Variants in NKAIN2 observed in about 807,000 individuals in gnomAD.
The protein encoded by NKAIN2 is sodium/potassium transporting ATPase interacting 2, also known as sodium/potassium-transporting ATPase subunit beta-1-interacting protein 2.
In NKAIN2, 14 loss-of-function variants were observed where a neutral mutation model predicts 32.6. The ratio of observed to expected loss-of-function variants is 0.43; its 90% confidence interval spans 0.28 to 0.67. The LOEUF (loss-of-function observed/expected upper bound fraction) is 0.67. Ranked by LOEUF, NKAIN2 falls within the 30% of genes least tolerant of loss-of-function variation. NKAIN2 has a pLI of 0.17. For synonymous variants in NKAIN2, 80 were observed against 87.2 expected, an observed-to-expected ratio of 0.92 and a Z score of 0.46; for missense variants, 198 against 258.3, an observed-to-expected ratio of 0.77 and a Z score of 1.60.
chr6:124,016,821 G>GA lies in NKAIN2; in HGVS notation c.54+212569dup, dbSNP rs528508604. ...AAAAAAAAATCCAGAGCTTAGAGTT[G>GA]AATTAGTTTGCCCGCCTAAGGTATG... On this transcript the variant is annotated intron_variant, in intron 1 of 6. Coordinates refer to ENST00000368417, the MANE Select transcript of NKAIN2 (RefSeq NM_001040214.3). 5.1e-4 allele frequency among the ~76,000 whole-genome samples: 77 copies of GA among 151,838 alleles called. 1 individual carries two copies. The East Asian group carries it at 0.013, about 26-fold the overall frequency.
chr6:124,664,667 G>A (rs1583607246), intron 4 of NKAIN2, among the ~76,000 whole-genome samples: 1 of 148,382 alleles, frequency 6.7e-6, no homozygotes, highest in East Asian at 2.0e-4. Context: ...AGTGGCGGGC[G>A]CCTGTAGTCC....
chr6:124,100,357 G>A (rs1166696533), intron 1 of NKAIN2, among the ~76,000 whole-genome samples: 5 of 152,318 alleles, frequency 3.3e-5, no homozygotes, highest in East Asian at 1.9e-4. Context: ...GTTTTATCAT[G>A]TCTGAAGAGT....
chr6:124,480,878 A>G (rs1464803371), intron 3 of NKAIN2, among the ~76,000 whole-genome samples: 2 of 152,152 alleles, frequency 1.3e-5, no homozygotes, highest in Admixed American at 6.5e-5. Context: ...GACGCTTTAC[A>G]TTCCTTTGTG....
chr6:124,187,899 T>C (rs1484485790), intron 1 of NKAIN2, among the ~76,000 whole-genome samples: 1 of 152,202 alleles, frequency 6.6e-6, no homozygotes, highest in Admixed American at 6.5e-5. Context: ...TTTCCTCTTC[T>C]TAACCAAGAT....
At chr6:124,114,964 C>T (rs1785542266) in intron 1 of NKAIN2, among the ~76,000 whole-genome samples, 1 of 152,002 alleles carries the variant, frequency 6.6e-6, no homozygotes, top group South Asian at 2.1e-4. Context: ...ATTTAAGAGA[C>T]AGGTCAGTTT....
At chr6:124,574,313 TAA>T (rs11326982) in intron 3 of NKAIN2, among the ~76,000 whole-genome samples, 9,967 of 150,086 alleles carry the variant, frequency 0.066, 335 homozygotes, top group Non-Finnish European at 0.076. Flanking sequence ...CAGAAAAAGT[TAA>T]AAAAAAAAAA....
At chr6:124,796,076 T>A (rs961341157) in intron 5 of NKAIN2, among the ~76,000 whole-genome samples, 2 of 152,184 alleles carry the variant, frequency 1.3e-5, no homozygotes, top group African/African-American at 4.8e-5. Flanking sequence ...CACTGCCATC[T>A]GCTGTACCTA....
intron 1 of NKAIN2, among the ~76,000 whole-genome samples, chr6:123,818,760 A>G (rs574849397): frequency 1.3e-5 from 2 of 152,330 alleles, no homozygotes; most frequent in East Asian, 3.9e-4. Flanking sequence ...TGGAAGAACC[A>G]GGCATTTCCG....
chr6:124,135,946 A>G lies in NKAIN2; in HGVS notation c.55-147059A>G, dbSNP rs1284635026. 5.3e-5 allele frequency among the ~76,000 whole-genome samples: 8 copies of G among 152,250 alleles called. No individual in the cohort carries two copies. In the South Asian group the frequency reaches 1.2e-3, roughly 24 times the overall value. ...AAAAAGTCTGAAAGAGCACAAATAG[A>G]CAACCTAATGTCACACCTCAAGGAA... On this transcript the variant is annotated intron_variant, in intron 1 of 6. Transcript: ENST00000368417.
At chr6:123,806,187 A>C (rs967543343) in intron 1 of NKAIN2, among the ~76,000 whole-genome samples, 1 of 152,098 alleles carries the variant, frequency 6.6e-6, no homozygotes, top group Non-Finnish European at 1.5e-5. Flanking sequence ...AGAAATTCTG[A>C]ATTATAATTA....
At chr6:124,072,308 G>T (rs1783499794) in intron 1 of NKAIN2, among the ~76,000 whole-genome samples, 1 of 152,014 alleles carries the variant, frequency 6.6e-6, no homozygotes, top group Admixed American at 6.6e-5. Context: ...GGGGACTATA[G>T]AGTTGAGAGA....
rs563867689 is a variant in NKAIN2, at chr6:124,193,368, G to T, written c.55-89637G>T. On this transcript the variant is annotated intron_variant, in intron 1 of 6. Coordinates refer to ENST00000368417, the MANE Select transcript of NKAIN2 (RefSeq NM_001040214.3). The stretch of plus-strand genomic sequence containing the variant: ...AGCCAGGTATGCTGGCTGCAGCAGG[G>T]CAGGCAGCTCCAGGCGCCAACATGA... 2.0e-5 allele frequency among the ~76,000 whole-genome samples: 3 copies of T among 152,312 alleles called. No individual in the cohort carries two copies. In the South Asian group the frequency reaches 6.2e-4, roughly 32 times the overall value.
At chr6:124,796,966 T>G (rs1329430371) in intron 5 of NKAIN2, among the ~76,000 whole-genome samples, 1 of 152,098 alleles carries the variant, frequency 6.6e-6, no homozygotes, top group Non-Finnish European at 1.5e-5. Context: ...AAGAAAATGT[T>G]TGGAGATTCC....
Position 123,898,100 on chromosome 6 carries a change from A to T in NKAIN2, c.54+93846A>T, listed in dbSNP as rs552825759. Among the ~76,000 whole-genome samples the T allele has an allele frequency of 5.3e-5, 8 of 152,294 alleles. No homozygotes were observed. In the East Asian group the frequency reaches 1.4e-3, roughly 26 times the overall value. On this transcript the variant is annotated intron_variant, in intron 1 of 6. Coordinates refer to ENST00000368417, the MANE Select transcript of NKAIN2 (RefSeq NM_001040214.3). ...AACTAAGAATAATAATCCAGATATGATCTCATCATTGCAGGATGAATTATG... is the reference window on the plus strand; with the variant it reads ...AACTAAGAATAATAATCCAGATATGTTCTCATCATTGCAGGATGAATTATG...
At chr6:124,585,045 T>C (rs1781662925) in intron 3 of NKAIN2, among the ~76,000 whole-genome samples, 1 of 152,178 alleles carries the variant, frequency 6.6e-6, no homozygotes, top group African/African-American at 2.4e-5. Context: ...TAACCAATAT[T>C]TTGAAGCAAC....
At chr6:124,492,288 C>G (rs1270776848) in intron 3 of NKAIN2, among the ~76,000 whole-genome samples, 1 of 151,842 alleles carries the variant, frequency 6.6e-6, no homozygotes, top group African/African-American at 2.4e-5. Context: ...TTGGCATATG[C>G]CTATTGAAAA....
chr6:124,466,317 G>T (rs1419428556), intron 3 of NKAIN2, among the ~76,000 whole-genome samples: 1 of 152,118 alleles, frequency 6.6e-6, no homozygotes, highest in Non-Finnish European at 1.5e-5. Flanking sequence ...AAACTGAAGA[G>T]CCTCCTGTAA....
At chr6:124,575,400 TCG>T (rs1239715410) in intron 3 of NKAIN2, among the ~76,000 whole-genome samples, 23 of 152,244 alleles carry the variant, frequency 1.5e-4, no homozygotes, top group Non-Finnish European at 2.6e-4. Flanking sequence ...AATTGCTGCC[TCG>T]TTGCAACATT....
At chr6:123,883,605 A>C (rs951590824) in intron 1 of NKAIN2, among the ~76,000 whole-genome samples, 112 of 151,602 alleles carry the variant, frequency 7.4e-4, no homozygotes, top group Admixed American at 7.4e-3. Flanking sequence ...GCTCCTTGTA[A>C]GCCTTCAGAA....
Sources: gnomAD v4.1 joint callset for allele counts (sites outside exome capture counted in the v4.1 genomes callset) on GRCh38, gnomAD v4.1.1 for gene constraint, MANE v1.5 for transcripts, NCBI Gene and HGNC (gene_info 2026-07-23, HGNC 2026-07-21) for gene names.